PHF20L1: variants seen among roughly 807,000 people sequenced by gnomAD.
The protein encoded by PHF20L1 is PHD finger protein 20 like 1, also known as PHD finger protein 20-like protein 1.
A neutral mutation model predicts 125.5 loss-of-function variants in PHF20L1; 44 were observed. The ratio of observed to expected loss-of-function variants is 0.35; its 90% confidence interval spans 0.28 to 0.45. PHF20L1 has a LOEUF of 0.45. PHF20L1 is among the 20% of genes least tolerant of loss of function. PHF20L1 has a pLI of 1.00. For synonymous variants in PHF20L1, 380 were observed against 403.1 expected (o/e 0.94, Z 0.69); for missense variants, 1,012 against 1,217.2 (o/e 0.83, Z 2.51).
intron 12 of PHF20L1, among the ~76,000 whole-genome samples, chr8:132,820,928 AC>A (rs1237920931): frequency 9.9e-5 from 15 of 151,904 alleles, no homozygotes; most frequent in African/African-American, 3.6e-4. Flanking sequence ...TAAAAGAAAT[AC>A]CTTTAGTAAC....
At chr8:132,786,519 A>G (rs1246406093) in intron 2 of PHF20L1, among the ~76,000 whole-genome samples, 1 of 152,150 alleles carries the variant, frequency 6.6e-6, no homozygotes, top group Non-Finnish European at 1.5e-5. Context: ...TCTGTTTTTA[A>G]TACATCTTTG....
chr8:132,813,071 C>T, intron 9 of PHF20L1: 1 of 954,114 alleles, frequency 1.0e-6, no homozygotes, highest in Non-Finnish European at 1.2e-6. Flanking sequence ...AAGTTAAGCA[C>T]CTTATCAAGA....
chr8:132,811,813 G>A, intron 9 of PHF20L1: 1 of 984,838 alleles, frequency 1.0e-6, no homozygotes, highest in Non-Finnish European at 1.2e-6. Flanking sequence ...CGCAGTAATA[G>A]CCATAACTGG....
Position 132,824,026 on chromosome 8 carries a change from A to AT in PHF20L1, c.1602_1603insT (p.Val535CysfsTer13). On this transcript the variant is annotated frameshift_variant, in exon 13 of 21. Transcript: ENST00000395386. LOFTEE classifies it high-confidence loss of function. Reference sequence around the variant, plus strand: ...CAGGAATATCGAAAACAGAAAAAAAAGTGAAATTGGAAGACAAAAGCTCAA... The same window carrying AT: ...CAGGAATATCGAAAACAGAAAAAAAATGTGAAATTGGAAGACAAAAGCTCAA... The AT allele has an allele frequency of 6.2e-7, 1 of 1,601,612 alleles. No individual in the cohort carries two copies. The highest frequency in any genetic ancestry group is 8.5e-7 in the Non-Finnish European group (1 of 1,171,014).
chr8:132,825,047 G>T (rs1181210674), intron 13 of PHF20L1: 2 of 1,462,972 alleles, frequency 1.4e-6, no homozygotes, highest in Non-Finnish European at 1.8e-6. Flanking sequence ...ATCAGGAGTT[G>T]GGATTTCTCA....
intron 14 of PHF20L1, among the ~76,000 whole-genome samples, chr8:132,828,778 G>A (rs1450819028): frequency 1.3e-5 from 2 of 151,986 alleles, no homozygotes; most frequent in African/African-American, 4.8e-5. Flanking sequence ...TGTCTTTCAT[G>A]TGTCTGTAAA....
rs761985134 is a variant in PHF20L1 at position 132,794,472 on chromosome 8, G to A, written c.146G>A (p.Arg49His). The part of the protein sequence containing the change: ...EEGKMLVHFE[R>H]WSHRYDEWIY... Reference sequence around the variant, plus strand: ...GGCAAGATGTTGGTCCATTTTGAGCGCTGGAGTCATCGTTATGATGAGTGG... The same window carrying A: ...GGCAAGATGTTGGTCCATTTTGAGCACTGGAGTCATCGTTATGATGAGTGG... The change falls in exon 3 of 21, where the codon CGC becomes CAC. Residue 49 changes from arginine (R) to histidine (H), a missense_variant. Around this residue, in one of 7 missense-constraint regions of PHF20L1, gnomAD observed 94 missense variants for 179.5 expected, o/e 0.52. Coordinates refer to ENST00000395386, the MANE Select transcript of PHF20L1 (RefSeq NM_016018.5). 22 of 1,611,348 alleles carry A rather than the reference G, an allele frequency of 1.4e-5. No homozygotes were observed. Among genetic ancestry groups the A allele is most frequent in the Admixed American group, 1.0e-4 (6 of 59,982 alleles).
At position 132,792,759 on chromosome 8, in the gene PHF20L1, C is replaced by A. The variant is rs926985372; in HGVS notation, c.84-1651C>A. 9.2e-5 allele frequency among the ~76,000 whole-genome samples: 14 copies of A among 152,184 alleles called. No homozygotes were observed. In the South Asian group the frequency reaches 1.5e-3, roughly 16 times the overall value. The stretch of plus-strand genomic sequence containing the variant: ...TCACAGGCCAGAGTAGCATTTCTAA[C>A]CTCATCTTCCTTAGCTATTTGCTAT... On this transcript the variant is annotated intron_variant, in intron 2 of 20. Transcript: ENST00000395386.
At chr8:132,820,435 C>A (rs1201948694) in intron 12 of PHF20L1, among the ~76,000 whole-genome samples, 1 of 151,864 alleles carries the variant, frequency 6.6e-6, no homozygotes, top group African/African-American at 2.4e-5. Context: ...GTGGAATCTG[C>A]CTTCTGGAAA....
Position 132,775,655 on chromosome 8 carries a change from G to A in PHF20L1, c.-38+10G>A. On this transcript the variant is annotated intron_variant, in intron 1 of 20. Transcript: ENST00000395386. Reference sequence around the variant, plus strand: ...AGAGGAGGCCGAGTCGGTAAGAGGCGGCGGCGGCTGAGCCGGCAGGCCGCC... The same window carrying A: ...AGAGGAGGCCGAGTCGGTAAGAGGCAGCGGCGGCTGAGCCGGCAGGCCGCC... The A allele has an allele frequency of 8.9e-6, 3 of 338,256 alleles. No homozygotes were observed. The highest frequency in any genetic ancestry group is 1.1e-5 in the Non-Finnish European group (2 of 187,510). 21.0% of individuals were successfully genotyped at this position (338,256 alleles called of 1,614,324 possible).
At chr8:132,831,921 A>G (rs781146559) in intron 14 of PHF20L1, among the ~76,000 whole-genome samples, 1 of 152,136 alleles carries the variant, frequency 6.6e-6, no homozygotes, top group Non-Finnish European at 1.5e-5. Context: ...TTTACTGCAG[A>G]CATAGTTGTG....
chr8:132,804,039 A>G lies in PHF20L1; in HGVS notation c.721+7A>G, dbSNP rs764882892. 5 of 1,566,514 alleles carry G rather than the reference A, an allele frequency of 3.2e-6. No homozygotes were observed. In the South Asian group the frequency reaches 4.4e-5, roughly 14 times the overall value. On this transcript the variant is annotated splice_region_variant and intron_variant, in intron 7 of 20. Coordinates refer to ENST00000395386, the MANE Select transcript of PHF20L1 (RefSeq NM_016018.5). Reference sequence around the variant, plus strand: ...ACATCTAGTGAAACATTTGGTACAAAATACATTCTTACGTTAATTCCTTAT... The same window carrying G: ...ACATCTAGTGAAACATTTGGTACAAGATACATTCTTACGTTAATTCCTTAT...
At chr8:132,780,529 T>C (rs987763836) in intron 2 of PHF20L1, among the ~76,000 whole-genome samples, 2 of 152,180 alleles carry the variant, frequency 1.3e-5, no homozygotes, top group African/African-American at 4.8e-5. Context: ...TCTCCCACTC[T>C]TCTCTTTCCC....
rs751256012 is a variant in PHF20L1 at position 132,837,777 on chromosome 8, G to A, written c.2157G>A (p.Glu719=). The change falls in exon 17 of 21, where the codon GAG becomes GAA. Residue 719 remains glutamate (E), a synonymous_variant. Coordinates refer to ENST00000395386, the MANE Select transcript of PHF20L1 (RefSeq NM_016018.5). ...GGCTGCTGGAGGAGAGCATTCCAGA[G>A]CAGTACATCTGCTATATCTGCCGGG... is the stretch of plus-strand genomic sequence containing the variant. ...CMGLLEESIP[E]QYICYICRDP... is the part of the protein sequence containing the mutation. 4.1e-5 allele frequency: 66 copies of A among 1,612,866 alleles called. No individual in the cohort carries two copies. The East Asian group carries it at 1.4e-3, about 34-fold the overall frequency.
rs376099463 is a variant in PHF20L1 at position 132,845,308 on chromosome 8, ACTTC to A, written c.2912-469_2912-466del. 4.0e-3 allele frequency among the ~76,000 whole-genome samples: 612 copies of A among 152,176 alleles called. 2 individuals are homozygous for A. Among genetic ancestry groups the A allele is most frequent in the African/African-American group, 0.014 (576 of 41,556 alleles). On this transcript the variant is annotated intron_variant, in intron 20 of 20. Transcript: ENST00000395386. ...CTGAAAAGAACACTGAGAAATTGCT[ACTTC>A]CTTTTCTTTGTTAAGAAGAGCTTCT...
chr8:132,834,633 C>T (rs1837143163), intron 15 of PHF20L1, among the ~76,000 whole-genome samples: 1 of 151,954 alleles, frequency 6.6e-6, no homozygotes, highest in Non-Finnish European at 1.5e-5. Flanking sequence ...TGTGCCCGGC[C>T]CATTTAATAC....
At position 132,794,732 on chromosome 8, in the gene PHF20L1, G is replaced by C; in HGVS notation, c.256-1G>C. On this transcript the variant is annotated splice_acceptor_variant, in intron 3 of 20. Transcript: ENST00000395386. LOFTEE classifies it high-confidence loss of function. ...TTGATCTTAAAAGTTGTTTAAAATA[G>C]GATTTTAAAGCTGGAGAAGAAGTTC... is the stretch of plus-strand genomic sequence containing the variant. 6.2e-7 allele frequency: 1 copy of C among 1,607,742 alleles called. No homozygotes were observed. Among genetic ancestry groups the C allele is most frequent in the Admixed American group, 1.7e-5 (1 of 59,696 alleles).
intron 9 of PHF20L1, 51 bp from the exon 10 acceptor site, chr8:132,814,586 C>A: frequency 7.5e-7 from 1 of 1,331,458 alleles, no homozygotes; most frequent in Non-Finnish European, 1.0e-6. Context: ...AATACAAGAA[C>A]AAAAATGAAG....
intron 2 of PHF20L1, among the ~76,000 whole-genome samples, chr8:132,787,878 T>G (rs555321302): frequency 5.3e-5 from 8 of 152,226 alleles, no homozygotes; most frequent in African/African-American, 1.9e-4. Flanking sequence ...CTGTGTTAAT[T>G]TTTGTTATTT....
Sources: gnomAD v4.1 joint callset for allele counts (sites outside exome capture counted in the v4.1 genomes callset) on GRCh38, gnomAD v4.1.1 for gene constraint, gnomAD v4.1.1 regional missense constraint, MANE v1.5 for transcripts, NCBI Gene and HGNC (gene_info 2026-07-23, HGNC 2026-07-21) for gene names.